The following GPHN variants were observed in gnomAD, a reference collection of about 807,000 sequenced individuals.
GPHN encodes the protein gephyrin.
GPHN carries 17 observed loss-of-function variants against 95.5 expected under a neutral mutation model. That is an observed-to-expected ratio of 0.18 (90% CI 0.12 to 0.27). GPHN has a LOEUF of 0.27. Ranked by LOEUF, GPHN falls within the 10% of genes least tolerant of loss-of-function variation. GPHN has a pLI of 1.00. For synonymous variants in GPHN, 320 were observed against 322.5 expected, an observed-to-expected ratio of 0.99 and a Z score of 0.08; for missense variants, 660 against 978.1, an observed-to-expected ratio of 0.67 and a Z score of 4.34.
the GPHN span, among the ~76,000 whole-genome samples, chr14:67,264,980 G>C: frequency 6.6e-6 from 1 of 151,992 alleles, no homozygotes; most frequent in Non-Finnish European, 1.5e-5. Context: ...GTGGGTTTAA[G>C]TTATAATACA....
intron 9 of GPHN, among the ~76,000 whole-genome samples, chr14:66,972,440 C>G (rs2069872436): frequency 2.0e-5 from 3 of 151,874 alleles, no homozygotes; most frequent in Admixed American, 2.0e-4. Flanking sequence ...TTCATTCTTT[C>G]AAGTAAAAAT....
chr14:67,364,828 A>G, the GPHN span: 2 of 1,614,018 alleles, frequency 1.2e-6, no homozygotes, highest in South Asian at 2.2e-5. Flanking sequence ...AGATGTAGTG[A>G]TGGTGAATGT....
the GPHN span, among the ~76,000 whole-genome samples, chr14:67,424,407 C>T: frequency 6.6e-6 from 1 of 151,928 alleles, no homozygotes; most frequent in Admixed American, 6.6e-5. Flanking sequence ...CACTTAAACT[C>T]AAGAGTTCAA....
chr14:67,509,324 CTT>C, the GPHN span, among the ~76,000 whole-genome samples: 3 of 149,630 alleles, frequency 2.0e-5, no homozygotes, highest in Non-Finnish European at 3.0e-5. Context: ...TCAACTCTCT[CTT>C]TTTTTTTTTG....
chr14:67,722,509 A>T, the GPHN span: 1 of 802,932 alleles, frequency 1.2e-6, no homozygotes, highest in Non-Finnish European at 2.3e-6. Flanking sequence ...GCTGCTGCTC[A>T]GCACCCAGGA....
chr14:67,643,529 A>G, the GPHN span, among the ~76,000 whole-genome samples: 1 of 152,308 alleles, frequency 6.6e-6, no homozygotes, highest in African/African-American at 2.4e-5. Flanking sequence ...ACAGATATAT[A>G]AGAACTTATC....
chr14:67,493,857 C>T, the GPHN span, among the ~76,000 whole-genome samples: 1 of 152,138 alleles, frequency 6.6e-6, no homozygotes, highest in African/African-American at 2.4e-5. Flanking sequence ...AGGCCAGGGG[C>T]AGTGGCTCAC....
intron 5 of GPHN, among the ~76,000 whole-genome samples, chr14:66,886,584 A>G (rs1417854219): frequency 3.3e-5 from 5 of 152,162 alleles, no homozygotes; most frequent in African/African-American, 9.6e-5. Context: ...GACAAGTACA[A>G]TCGCTGAAAA....
chr14:66,803,489 C>G (rs1566962163), intron 3 of GPHN, among the ~76,000 whole-genome samples: 3 of 152,142 alleles, frequency 2.0e-5, no homozygotes, highest in Non-Finnish European at 2.9e-5. Context: ...ATTGGTGGAG[C>G]TTTTTGTTCC....
the GPHN span, chr14:67,674,483 A>T: frequency 3.1e-6 from 5 of 1,604,030 alleles, no homozygotes; most frequent in Non-Finnish European, 4.2e-6. Flanking sequence ...GCGGCGGAGG[A>T]GGCCATGGCG....
the GPHN span, among the ~76,000 whole-genome samples, chr14:67,489,564 C>T: frequency 6.6e-5 from 10 of 152,338 alleles, no homozygotes; most frequent in South Asian, 2.1e-3. Flanking sequence ...ACCATTCTGA[C>T]TCCTTCTTCC....
At chr14:66,837,137 A>G (rs982005407) in intron 4 of GPHN, among the ~76,000 whole-genome samples, 1 of 151,458 alleles carries the variant, frequency 6.6e-6, no homozygotes, top group Admixed American at 6.6e-5. Flanking sequence ...ATAAAGACAC[A>G]TGCACACGTA....
intron 4 of GPHN, among the ~76,000 whole-genome samples, chr14:66,843,517 C>T (rs990273635): frequency 2.0e-5 from 3 of 152,132 alleles, no homozygotes; most frequent in African/African-American, 7.2e-5. Flanking sequence ...CTATGGCTGC[C>T]CCATTAATTT....
At chr14:67,222,561 C>A in the GPHN span, among the ~76,000 whole-genome samples, 1 of 152,158 alleles carries the variant, frequency 6.6e-6, no homozygotes, top group African/African-American at 2.4e-5. Flanking sequence ...TAGGAGTGAG[C>A]CACCACCCTG....
At chr14:67,713,285 A>C in the GPHN span, among the ~76,000 whole-genome samples, 15 of 151,948 alleles carry the variant, frequency 9.9e-5, no homozygotes, top group East Asian at 1.9e-4. Flanking sequence ...AACAAAAAAA[A>C]ACCTCATTTT....
chr14:66,981,718 G>T (rs1174315149), intron 9 of GPHN, among the ~76,000 whole-genome samples: 1 of 152,078 alleles, frequency 6.6e-6, no homozygotes, highest in Non-Finnish European at 1.5e-5. Context: ...CAAACAAACA[G>T]AAAGAAATGT....
At chr14:66,774,406 T>C (rs2059306343) in intron 2 of GPHN, among the ~76,000 whole-genome samples, 1 of 152,210 alleles carries the variant, frequency 6.6e-6, no homozygotes, top group Non-Finnish European at 1.5e-5. Context: ...ATAATTTGAA[T>C]GCAATTAGAA....
intron 1 of GPHN, among the ~76,000 whole-genome samples, chr14:66,511,928 C>G (rs190291726): frequency 5.9e-5 from 9 of 152,028 alleles, no homozygotes; most frequent in Admixed American, 5.2e-4. Flanking sequence ...TATTGTCCAT[C>G]TCTAACAACA....
At chr14:67,208,713 T>A in the GPHN span, among the ~76,000 whole-genome samples, 1 of 152,118 alleles carries the variant, frequency 6.6e-6, no homozygotes, top group Non-Finnish European at 1.5e-5. Context: ...CTGGCCAAGA[T>A]GGTGAAACCC....
Sources: allele counts gnomAD v4.1 joint callset (sites outside exome capture counted in the v4.1 genomes callset), GRCh38; gene constraint gnomAD v4.1.1; transcripts MANE v1.5; gene names NCBI Gene and HGNC (gene_info 2026-07-23, HGNC 2026-07-21).